Variants in FAM120B observed in about 807,000 individuals in gnomAD.
FAM120B encodes family with sequence similarity 120 member B.
In FAM120B, 83 loss-of-function variants were observed where a neutral mutation model predicts 96.3. The ratio of observed to expected loss-of-function variants is 0.86; its 90% CI spans 0.72 to 1.03. The LOEUF (loss-of-function observed/expected upper bound fraction) is 1.03. Among genes scored for constraint, FAM120B ranks in the 50% least tolerant of loss-of-function variants. The pLI is 0.00. For missense variants in FAM120B, 1,027 were observed against 1,121.2 expected, an observed-to-expected ratio of 0.92 and a Z score of 1.20; for synonymous variants, 407 against 402.7, an observed-to-expected ratio of 1.01 and a Z score of -0.13.
In FAM120B at chr6:170,371,953, G is replaced by A. The variant is rs12200921; in HGVS notation, c.2283+13635G>A. Reference sequence around the variant, plus strand: ...TTCAAGAAATTCATCTTTTCTTGCCGTTTTCCCTGTGTTAAGTGAGTCAGG... The same window carrying A: ...TTCAAGAAATTCATCTTTTCTTGCCATTTTCCCTGTGTTAAGTGAGTCAGG... On this transcript the variant is annotated intron_variant, in intron 6 of 10. Coordinates refer to ENST00000476287, the MANE Select transcript of FAM120B (RefSeq NM_032448.3). Among the ~76,000 whole-genome samples the A allele has an allele frequency of 2.4e-3, 364 of 152,274 alleles. 2 individuals are homozygous for A. Among genetic ancestry groups the A allele is most frequent in the Middle Eastern group, 0.01 (3 of 294 alleles).
chr6:170,371,137 T>TC lies in FAM120B; in HGVS notation c.2283+12825dup, dbSNP rs374115315. Among the ~76,000 whole-genome samples, 504 of 151,978 alleles carry TC rather than the reference T, an allele frequency of 3.3e-3. 1 individual carries two copies. Among genetic ancestry groups the TC allele is most frequent in the Middle Eastern group, 0.017 (5 of 292 alleles). The stretch of plus-strand genomic sequence containing the variant: ...ACCTCTACCTCTTATGCAGTCTCCC[T>TC]CCCCCCAGCCCCAGCCCCACACTCC... On this transcript the variant is annotated intron_variant, in intron 6 of 10. Coordinates refer to ENST00000476287, the MANE Select transcript of FAM120B (RefSeq NM_032448.3).
intron 3 of FAM120B, among the ~76,000 whole-genome samples, 179 bp downstream of exon 3, chr6:170,323,438 G>T (rs1359302862): frequency 1.3e-5 from 2 of 152,226 alleles, no homozygotes; most frequent in African/African-American, 2.4e-5. Context: ...AAGCGTAAGT[G>T]CCATTGGACG....
At chr6:170,402,080 G>A (rs1486795187) in intron 9 of FAM120B, among the ~76,000 whole-genome samples, 1 of 152,268 alleles carries the variant, frequency 6.6e-6, no homozygotes, top group African/African-American at 2.4e-5. Context: ...CATCTTTGCT[G>A]TGTTCCCACT....
intron 4 of FAM120B, among the ~76,000 whole-genome samples, chr6:170,338,844 C>CTTTTTT (rs61188907): frequency 5.5e-4 from 47 of 85,400 alleles, no homozygotes; most frequent in Non-Finnish European, 7.3e-4. Flanking sequence ...TTGCAACCTG[C>CTTTTTT]TTTTTTTTTT....
chr6:170,343,555 A>G (rs1480849955), intron 4 of FAM120B, among the ~76,000 whole-genome samples: 3 of 152,078 alleles, frequency 2.0e-5, no homozygotes, highest in South Asian at 4.1e-4. Context: ...TCTATAATCT[A>G]TTATATCATT....
rs545771682 is a variant in FAM120B at position 170,390,719 on chromosome 6, A to G, written c.2491-294A>G. ...GTGTGGTAATCACCTAAATTGTCGTAATAGGACTTGAAGATTCTTTTTTAG... is the reference window on the plus strand; with the variant it reads ...GTGTGGTAATCACCTAAATTGTCGTGATAGGACTTGAAGATTCTTTTTTAG... On this transcript the variant is annotated intron_variant, in intron 7 of 10. Transcript: ENST00000476287. 9.2e-5 allele frequency among the ~76,000 whole-genome samples: 14 copies of G among 152,322 alleles called. No homozygotes were observed. In the South Asian group the frequency reaches 2.9e-3, roughly 32 times the overall value.
Position 170,318,027 on chromosome 6 carries a change from G to A in FAM120B, c.637G>A (p.Glu213Lys), listed in dbSNP as rs772655673. The change falls in exon 2 of 11, where the codon GAG becomes AAG. Residue 213 changes from glutamate (E) to lysine (K), a missense_variant. Around this residue, in one of 3 missense-constraint regions of FAM120B, gnomAD observed 880 missense variants for 980.9 expected, o/e 0.90. Transcript: ENST00000476287. ...CATGCTCTGCAGAGAGAAGCTCTGT[G>A]AGAGTCTGGGCCTCTGTGTGGCCGA... ...TVMLCREKLCESLGLCVADLP... is the reference protein window; with the variant it reads ...TVMLCREKLCKSLGLCVADLP... The A allele has an allele frequency of 1.2e-6, 2 of 1,613,972 alleles. No individual in the cohort carries two copies. Among genetic ancestry groups the A allele is most frequent in the Admixed American group, 1.7e-5 (1 of 59,998 alleles).
At chr6:170,372,292 A>C (rs1789244040) in intron 6 of FAM120B, among the ~76,000 whole-genome samples, 2 of 152,108 alleles carry the variant, frequency 1.3e-5, no homozygotes, top group Non-Finnish European at 2.9e-5. Flanking sequence ...CACTATTTTA[A>C]TTATATTAAT....
At chr6:170,340,165 T>C (rs1291226539) in intron 4 of FAM120B, among the ~76,000 whole-genome samples, 1 of 152,210 alleles carries the variant, frequency 6.6e-6, no homozygotes, top group Admixed American at 6.5e-5. Flanking sequence ...TAGTCCCATA[T>C]TTCTTGGAGG....
chr6:170,324,661 G>C (rs1379116473), intron 3 of FAM120B, among the ~76,000 whole-genome samples: 1 of 152,086 alleles, frequency 6.6e-6, no homozygotes, highest in Non-Finnish European at 1.5e-5. Context: ...TTATGACCAA[G>C]TGGATAACTT....
intron 3 of FAM120B, among the ~76,000 whole-genome samples, chr6:170,325,708 G>A (rs1290066783): frequency 6.6e-6 from 1 of 152,168 alleles, no homozygotes; most frequent in Non-Finnish European, 1.5e-5. Context: ...GGGCATGATG[G>A]CAGGTGCCTG....
rs373701566 is a variant in FAM120B at position 170,388,531 on chromosome 6, C to G, written c.2490+38C>G. On this transcript the variant is annotated intron_variant, in intron 7 of 10. Transcript: ENST00000476287. ...ACACCTACCTTTCACCAGAAACATC[C>G]CTGTAGCTCCAGGCTGCACAAAAAA... 1.4e-4 allele frequency: 221 copies of G among 1,544,890 alleles called. No homozygotes were observed. In the Middle Eastern group the frequency reaches 2.9e-3, roughly 20 times the overall value.
Position 170,318,965 on chromosome 6 carries a change from C to T in FAM120B, c.1575C>T (p.His525=), listed in dbSNP as rs375456997. The T allele has an allele frequency of 4.0e-5, 65 of 1,614,018 alleles. No homozygotes were observed. Among genetic ancestry groups the T allele is most frequent in the African/African-American group, 9.3e-5 (7 of 74,922 alleles). Residue 525 remains histidine, a synonymous_variant, in exon 2 of 11, where the codon CAC becomes CAT. Coordinates refer to ENST00000476287, the MANE Select transcript of FAM120B (RefSeq NM_032448.3). ...AGCAAGAAGACTCCATGTGTACACA[C>T]GCTGAAATCAATCAAAAATTACCTG... ...ISKQEDSMCT[H]AEINQKLPVA...
chr6:170,312,036 T>C (rs1209316779), intron 1 of FAM120B, among the ~76,000 whole-genome samples: 1 of 152,220 alleles, frequency 6.6e-6, no homozygotes, highest in Non-Finnish European at 1.5e-5. Context: ...AGAACTTACG[T>C]CCACGTTGTA....
chr6:170,388,394 T>G lies in FAM120B; in HGVS notation c.2391T>G (p.Ser797Arg). The change falls in exon 7 of 11, where the codon AGT becomes AGG. Residue 797 changes from serine to arginine, a missense_variant. This residue lies in a region of FAM120B where 880 missense variants were observed against 980.9 expected (regional missense o/e 0.90). Transcript: ENST00000476287. Reference sequence around the variant, plus strand: ...CATGTGGCTTCCCCTGGAAGACGAGTGATTTCATGCCCTGGAATGTATTTG... The same window carrying G: ...CATGTGGCTTCCCCTGGAAGACGAGGGATTTCATGCCCTGGAATGTATTTG... The part of the protein sequence containing the change: ...NSACGFPWKT[S>R]DFMPWNVFDG... 1 of 1,614,040 alleles carries G rather than the reference T, an allele frequency of 6.2e-7. No homozygotes were observed. The highest frequency in any genetic ancestry group is 8.5e-7 in the Non-Finnish European group (1 of 1,179,998).
chr6:170,317,024 T>G (rs117128693), intron 1 of FAM120B, among the ~76,000 whole-genome samples: 1,663 of 152,366 alleles, frequency 0.011, 14 homozygotes, highest in Non-Finnish European at 0.018. Context: ...CAATAACTTC[T>G]GTTTGAGTTC....
chr6:170,305,597 G>C (rs930756014), upstream of FAM120B, among the ~76,000 whole-genome samples: 2 of 152,220 alleles, frequency 1.3e-5, no homozygotes, highest in Non-Finnish European at 2.9e-5. Context: ...AGGGCTTATA[G>C]CTGCCTTGCT....
At position 170,323,146 on chromosome 6, in the gene FAM120B, T is replaced by A. The variant is rs955933330; in HGVS notation, c.1802T>A (p.Ile601Asn). The A allele has an allele frequency of 1.2e-6, 2 of 1,613,996 alleles. No homozygotes were observed. Among genetic ancestry groups the A allele is most frequent in the African/African-American group, 2.7e-5 (2 of 74,914 alleles). Residue 601 changes from isoleucine to asparagine, a missense_variant, in exon 3 of 11, where the codon ATT (isoleucine) becomes AAT (asparagine). Physicochemically the swap from Ile to Asn is moderately radical, Grantham distance 149 (BLOSUM62 -3). Coordinates refer to ENST00000476287, the MANE Select transcript of FAM120B (RefSeq NM_032448.3). ...LVYNIMSSGE[I>N]ECSNTLEDEL... ...TACAACATCATGAGCAGTGGAGAGA[T>A]TGAATGCAGCAACACCCTAGAAGAT...
chr6:170,349,341 G>C (rs1207254711), intron 5 of FAM120B, among the ~76,000 whole-genome samples: 1 of 152,196 alleles, frequency 6.6e-6, no homozygotes, highest in Non-Finnish European at 1.5e-5. Flanking sequence ...ACCTGGAATA[G>C]ACAATTATAT....
Sources: gnomAD v4.1 joint callset for allele counts (sites outside exome capture counted in the v4.1 genomes callset) on GRCh38, gnomAD v4.1.1 for gene constraint, gnomAD v4.1.1 regional missense constraint, MANE v1.5 for transcripts, NCBI Gene and HGNC (gene_info 2026-07-23, HGNC 2026-07-21) for gene names.